CEP55: variants seen among roughly 807,000 people sequenced by gnomAD.
CEP55 encodes the protein centrosomal protein 55.
Under a neutral mutation model 63.2 loss-of-function variants are expected in CEP55, and 57 were observed. The ratio of observed to expected loss-of-function variants is 0.90; its 90% CI spans 0.73 to 1.13. The LOEUF is 1.13. Among genes scored for constraint, CEP55 ranks in the 50% most tolerant of loss-of-function variants. CEP55 has a pLI of 0.00. For missense variants in CEP55, 456 were observed against 518.9 expected (o/e 0.88, Z 1.18); for synonymous variants, 178 against 191.6 (o/e 0.93, Z 0.59).
chr10:93,522,444 A>T (rs1331056642), intron 8 of CEP55, among the ~76,000 whole-genome samples: 1 of 152,268 alleles, frequency 6.6e-6, no homozygotes, highest in Non-Finnish European at 1.5e-5. Flanking sequence ...GTGTGAAAAG[A>T]CCAAATCTAT....
rs1456901354 is a variant in CEP55 at position 93,517,235 on chromosome 10, A to T, written c.980A>T (p.Glu327Val). ...KLEEEKKRSE[E>V]LLSQVQFLYT... The stretch of plus-strand genomic sequence containing the variant: ...GAAGAAGAGAAGAAGAGATCCGAAG[A>T]GCTCTTATCTCAGGTAAACTTAACC... Residue 327 changes from glutamate to valine, a missense_variant, in exon 6 of 9, where the codon GAG (glutamate) becomes GTG (valine). By Grantham distance (121) the Glu-to-Val change is moderately radical. Coordinates refer to ENST00000371485, the MANE Select transcript of CEP55 (RefSeq NM_018131.5). The T allele has an allele frequency of 3.1e-6, 5 of 1,593,852 alleles. No individual in the cohort carries two copies. Among genetic ancestry groups the T allele is most frequent in the Non-Finnish European group, 4.3e-6 (5 of 1,170,676 alleles).
At chr10:93,506,221 C>T (rs1056303160) in intron 3 of CEP55, among the ~76,000 whole-genome samples, 3 of 152,156 alleles carry the variant, frequency 2.0e-5, no homozygotes, top group Non-Finnish European at 2.9e-5. Context: ...GGATTATAGG[C>T]GCGAGCCACT....
In CEP55 at chr10:93,528,421, A is replaced by T. The variant is rs2057946762; in HGVS notation, c.*268A>T. ...ACTACTAACATTTTGCACTGTCAAAATACTTGGTGAGGAAAAGATAGCTCA... is the reference window on the plus strand; with the variant it reads ...ACTACTAACATTTTGCACTGTCAAATTACTTGGTGAGGAAAAGATAGCTCA... On this transcript the variant is annotated 3_prime_UTR_variant, in exon 9 of 9. Coordinates refer to ENST00000371485, the MANE Select transcript of CEP55 (RefSeq NM_018131.5). The T allele has an allele frequency of 7.2e-6, 3 of 418,754 alleles. No individual in the cohort carries two copies. Among genetic ancestry groups the T allele is most frequent in the East Asian group, 4.5e-5 (1 of 22,184 alleles). The allele number at this position is 418,754 out of a possible 1,614,324, so 25.9% of individuals were successfully genotyped here.
At chr10:93,507,191 T>C (rs2057697930) in intron 4 of CEP55, 135 bp downstream of exon 4, 2 of 563,560 alleles carry the variant, frequency 3.5e-6, no homozygotes, top group Admixed American at 6.9e-5. Flanking sequence ...TCTCTTTCTA[T>C]ACATTCGAGA....
chr10:93,504,208 C>T lies in CEP55; in HGVS notation c.459+820C>T, dbSNP rs190348446. On this transcript the variant is annotated intron_variant, in intron 3 of 8. Coordinates refer to ENST00000371485, the MANE Select transcript of CEP55 (RefSeq NM_018131.5). ...CATCTATAGGCTGGGCATGGTGGCT[C>T]ACGCCTATAATCCCACCACTTTGGG... Among the ~76,000 whole-genome samples, 334 of 152,222 alleles carry T rather than the reference C, an allele frequency of 2.2e-3. 2 individuals carry two copies. Among genetic ancestry groups the T allele is most frequent in the African/African-American group, 7.6e-3 (317 of 41,526 alleles).
At chr10:93,507,142 G>A (rs2057697613) in intron 4 of CEP55, 86 bp downstream of exon 4, 1 of 732,388 alleles carries the variant, frequency 1.4e-6, no homozygotes, top group South Asian at 1.7e-5. Flanking sequence ...CATTAGTGCT[G>A]TGACAGAAAA....
At chr10:93,513,131 G>T (rs2057769368) in intron 4 of CEP55, among the ~76,000 whole-genome samples, 1 of 152,148 alleles carries the variant, frequency 6.6e-6, no homozygotes, top group Non-Finnish European at 1.5e-5. Context: ...TTGACAAATG[G>T]ACTCTTAAGC....
chr10:93,520,025 C>T (rs1048064117), intron 8 of CEP55: 1 of 564,992 alleles, frequency 1.8e-6, no homozygotes, highest in East Asian at 3.2e-5. Flanking sequence ...CCCCAACTAC[C>T]CCAGCTGCTG....
At chr10:93,515,891 C>T (rs928290286) in intron 5 of CEP55, among the ~76,000 whole-genome samples, 2 of 152,184 alleles carry the variant, frequency 1.3e-5, no homozygotes, top group Non-Finnish European at 2.9e-5. Context: ...TTTCACTTTG[C>T]TTCCCTTCAG....
chr10:93,526,375 C>T (rs1224996876), intron 8 of CEP55, among the ~76,000 whole-genome samples: 1 of 151,986 alleles, frequency 6.6e-6, no homozygotes, highest in East Asian at 1.9e-4. Flanking sequence ...CAAATCAAAA[C>T]CACAATGAGA....
intron 5 of CEP55, 132 bp from the exon 6 acceptor site, chr10:93,516,803 G>A: frequency 1.6e-6 from 1 of 630,754 alleles, no homozygotes; most frequent in Non-Finnish European, 2.7e-6. Context: ...ATCAACCATA[G>A]TCCCTATCTC....
chr10:93,515,682 G>A, intron 5 of CEP55, 127 bp downstream of exon 5: 1 of 944,050 alleles, frequency 1.1e-6, no homozygotes, highest in South Asian at 2.7e-5. Flanking sequence ...TTATAGCCCT[G>A]AAGTAAGAAA....
chr10:93,507,389 T>C (rs1210712691), intron 4 of CEP55, among the ~76,000 whole-genome samples: 1 of 151,550 alleles, frequency 6.6e-6, no homozygotes, highest in Non-Finnish European at 1.5e-5. Context: ...CTCCGCTAAG[T>C]TTTTGTATTT....
At chr10:93,497,962 A>AT (rs977412307) in intron 1 of CEP55, among the ~76,000 whole-genome samples, 47 of 152,116 alleles carry the variant, frequency 3.1e-4, no homozygotes, top group Admixed American at 1.4e-3. Context: ...CTACTAATAG[A>AT]TAAAAAAAAA....
chr10:93,514,762 G>T (rs2057785479), intron 4 of CEP55, among the ~76,000 whole-genome samples: 1 of 152,178 alleles, frequency 6.6e-6, no homozygotes, highest in African/African-American at 2.4e-5. Context: ...GCTGGGCAGA[G>T]ATCCTCTTTT....
At chr10:93,521,374 G>A (rs1205250835) in intron 8 of CEP55, among the ~76,000 whole-genome samples, 1 of 152,164 alleles carries the variant, frequency 6.6e-6, no homozygotes, top group Non-Finnish European at 1.5e-5. Context: ...AGATCAAACT[G>A]CAAGGTAGCA....
chr10:93,510,957 G>C (rs1273893282), intron 4 of CEP55, among the ~76,000 whole-genome samples: 3 of 32,320 alleles, frequency 9.3e-5, no homozygotes, highest in East Asian at 2.9e-3. Flanking sequence ...TTTTTTTTTT[G>C]AGACAGAGTC....
rs749800886 is a variant in CEP55, at chr10:93,517,052, G to A, written c.797G>A (p.Arg266Gln). 9.3e-6 allele frequency: 15 copies of A among 1,613,808 alleles called. No individual in the cohort carries two copies. The highest frequency in any genetic ancestry group is 1.2e-5 in the Non-Finnish European group (14 of 1,179,928). Residue 266 changes from arginine (R) to glutamine (Q), a missense_variant, in exon 6 of 9, where the codon CGA becomes CAA. Physicochemically the swap from Arg to Gln is conservative, Grantham distance 43. Coordinates refer to ENST00000371485, the MANE Select transcript of CEP55 (RefSeq NM_018131.5). ...CTGAGTTTTGAACTGAGTGAATTTC[G>A]AAGAAAATATGAAGAAACCCAAAAA... ...TQLSFELSEF[R>Q]RKYEETQKEV... is the part of the protein sequence containing the mutation.
chr10:93,508,469 C>T (rs1049069540), intron 4 of CEP55, among the ~76,000 whole-genome samples: 25 of 152,074 alleles, frequency 1.6e-4, no homozygotes, highest in African/African-American at 5.6e-4. Context: ...TATCAGAATA[C>T]GTAATTTACC....
Sources: allele counts gnomAD v4.1 joint callset (sites outside exome capture counted in the v4.1 genomes callset), GRCh38; gene constraint gnomAD v4.1.1; transcripts MANE v1.5; gene names NCBI Gene and HGNC (gene_info 2026-07-23, HGNC 2026-07-21).